TJP1: variants seen among roughly 807,000 people sequenced by gnomAD.
TJP1 encodes tight junction protein ZO-1.
A neutral mutation model predicts 194.2 loss-of-function variants in TJP1; 43 were observed. That is an observed-to-expected ratio of 0.22 (90% CI 0.17 to 0.29). The LOEUF is 0.29. Among genes scored for constraint, TJP1 ranks in the 10% least tolerant of loss-of-function variants. The pLI, the probability that TJP1 is intolerant of heterozygous loss-of-function variation, is 1.00. For synonymous variants in TJP1, 801 were observed against 779.0 expected (o/e 1.03, Z -0.47); for missense variants, 1,971 against 2,185.7 (o/e 0.90, Z 1.96).
intron 24 of TJP1, 85 bp downstream of exon 24, chr15:29,710,746 T>C: frequency 6.5e-7 from 1 of 1,543,520 alleles, no homozygotes; most frequent in South Asian, 1.1e-5. Context: ...TATTTTTTAA[T>C]GTAAAAACCA....
intron 19 of TJP1, 26 bp from the exon 20 acceptor site, chr15:29,720,042 A>G: frequency 6.4e-7 from 1 of 1,567,434 alleles, no homozygotes. Context: ...AATATTTTAA[A>G]TATAGTGTTT....
Position 29,742,631 on chromosome 15 carries a change from G to A in TJP1, c.1150+11C>T, listed in dbSNP as rs754915416. The A allele has an allele frequency of 7.8e-5, 122 of 1,555,890 alleles. No individual in the cohort carries two copies. Among genetic ancestry groups the A allele is most frequent in the Middle Eastern group, 1.7e-4 (1 of 5,868 alleles). ...AAATGTTTCTTGAACTTAGTGTTTCGTTATGCTTACCTGGAAGAGAAGGTG... is the reference window on the plus strand; with the variant it reads ...AAATGTTTCTTGAACTTAGTGTTTCATTATGCTTACCTGGAAGAGAAGGTG... On this transcript the variant is annotated intron_variant, in intron 9 of 27. Coordinates refer to ENST00000614355, the MANE Select transcript of TJP1 (RefSeq NM_001330239.4).
At chr15:29,815,739 G>C (rs75053443) in intron 1 of TJP1, among the ~76,000 whole-genome samples, 6,690 of 152,246 alleles carry the variant, frequency 0.044, 167 homozygotes, top group South Asian at 0.076. Context: ...TATTTTTAAA[G>C]ACATTTTCCT....
chr15:29,866,927 G>A (rs1261769234), intron 2 of TJP1, among the ~76,000 whole-genome samples: 2 of 152,122 alleles, frequency 1.3e-5, no homozygotes, highest in Non-Finnish European at 2.9e-5. Context: ...AAGAGCCACC[G>A]TCACCCTGAG....
chr15:29,922,921 A>G (rs771177305), intron 2 of TJP1, among the ~76,000 whole-genome samples: 9 of 152,094 alleles, frequency 5.9e-5, no homozygotes, highest in Non-Finnish European at 1.3e-4. Flanking sequence ...AACCTTATAA[A>G]TTCTAAAAGA....
rs1031821203 is a variant in TJP1 at position 29,773,477 on chromosome 15, T to C, written c.85-120A>G. On this transcript the variant is annotated intron_variant, in intron 2 of 27. Transcript: ENST00000614355. ...ACAATCTTAATATATCTGTGATCCA[T>C]AAACACTCACCTGCATGGTTACCTA... The C allele has an allele frequency of 2.0e-5, 19 of 945,344 alleles. No individual in the cohort carries two copies. In the African/African-American group the frequency reaches 2.7e-4, roughly 13 times the overall value. The allele number at this position is 945,344 out of a possible 1,614,324, so 58.6% of individuals were successfully genotyped here. A position where few individuals can be genotyped will look rare whatever the true frequency, so the allele number is the denominator to read the frequency against.
intron 2 of TJP1, among the ~76,000 whole-genome samples, chr15:29,928,195 T>C (rs1184827901): frequency 6.6e-6 from 1 of 151,778 alleles, no homozygotes; most frequent in African/African-American, 2.4e-5. Flanking sequence ...AAGAACTATG[T>C]TTACTATATT....
In TJP1 at chr15:29,830,395, C is replaced by T. The variant is rs141314872; in HGVS notation, c.307-29693G>A. ...ATGTAATATATATTAGTACATTTTA[C>T]GTCTATTAGCAATTAACACACATCA... On this transcript the variant is annotated intron_variant, in intron 2 of 28. Coordinates refer to the TJP1 transcript ENST00000356107. 2.1e-4 allele frequency among the ~76,000 whole-genome samples: 31 copies of T among 149,800 alleles called. No individual in the cohort carries two copies. The East Asian group carries it at 2.5e-3, about 12-fold the overall frequency.
intron 2 of TJP1, among the ~76,000 whole-genome samples, chr15:29,856,687 G>A (rs945235336): frequency 6.6e-6 from 1 of 152,018 alleles, no homozygotes; most frequent in African/African-American, 2.4e-5. Context: ...AAAATATGTG[G>A]GTGCGGCCAG....
At chr15:29,931,899 T>C (rs1200922875) in intron 2 of TJP1, among the ~76,000 whole-genome samples, 3 of 152,238 alleles carry the variant, frequency 2.0e-5, no homozygotes, top group Non-Finnish European at 4.4e-5. Flanking sequence ...GGATTATTCA[T>C]GCCTACCCTT....
At chr15:29,779,714 C>G (rs2047233948) in intron 2 of TJP1, among the ~76,000 whole-genome samples, 1 of 151,972 alleles carries the variant, frequency 6.6e-6, no homozygotes, top group Non-Finnish European at 1.5e-5. Context: ...CTAATTAGAG[C>G]ACTAAAAACA....
At chr15:29,849,455 A>T (rs74375658) in intron 2 of TJP1, among the ~76,000 whole-genome samples, 2 of 151,730 alleles carry the variant, frequency 1.3e-5, no homozygotes, top group Admixed American at 1.3e-4. Flanking sequence ...AAAAAAAAAA[A>T]AGACCAGGCA....
rs371059689 is a variant in TJP1 at position 29,734,241 on chromosome 15, G to C, written c.1516+33C>G. On this transcript the variant is annotated intron_variant, in intron 12 of 27. Transcript: ENST00000614355. ...CTTTGTAAGTCCTCAAACTCTACAGGTTTATCTCCTCCATTTTCTGACAGC... is the reference window on the plus strand; with the variant it reads ...CTTTGTAAGTCCTCAAACTCTACAGCTTTATCTCCTCCATTTTCTGACAGC... 8.8e-6 allele frequency: 13 copies of C among 1,472,572 alleles called. No individual in the cohort carries two copies. The African/African-American group carries it at 1.4e-4, about 16-fold the overall frequency. The allele number at this position is 1,472,572 out of a possible 1,614,324, so 91.2% of individuals were successfully genotyped here.
chr15:29,700,721 C>CAAAAAAAAAAAAAAAAAA lies in TJP1; in HGVS notation c.*873_*874insTTTTTTTTTTTTTTTTTT, dbSNP rs11464931. The CAAAAAAAAAAAAAAAAAA allele has an allele frequency of 2.8e-5, 4 of 140,784 alleles. No homozygotes were observed. Among genetic ancestry groups the CAAAAAAAAAAAAAAAAAA allele is most frequent in the East Asian group, 1.6e-4 (1 of 6,100 alleles). The allele number at this position is 140,784 out of a possible 1,614,324, so 8.7% of individuals were successfully genotyped here. Reference sequence around the variant, plus strand: ...ACAGAAAACCACCACTGCCCCTTGTCAAAAAAAAAAAAAAAGAAAAGAAAA... The same window carrying CAAAAAAAAAAAAAAAAAA: ...ACAGAAAACCACCACTGCCCCTTGTCAAAAAAAAAAAAAAAAAAAAAAAAAAAAAAAAAGAAAAGAAAA... On this transcript the variant is annotated 3_prime_UTR_variant, in exon 28 of 28. Transcript: ENST00000614355.
At chr15:29,825,586 T>C (rs1198210215), upstream of TJP1, among the ~76,000 whole-genome samples, 1 of 152,184 alleles carries the variant, frequency 6.6e-6, no homozygotes, top group Non-Finnish European at 1.5e-5. Context: ...CACACCTAAT[T>C]TGTATATATG....
In TJP1 at chr15:29,741,447, A is replaced by G; in HGVS notation, c.1151-11T>C. 6.3e-7 allele frequency: 1 copy of G among 1,592,120 alleles called. No homozygotes were observed. The highest frequency in any genetic ancestry group is 8.6e-7 in the Non-Finnish European group (1 of 1,164,112). ...ACACAGGCTTTGGTTCTAAGAAAAA[A>G]AAAATTGAGTAGGACTCACTTTAGA... On this transcript the variant is annotated splice_polypyrimidine_tract_variant and intron_variant, in intron 9 of 27. Transcript: ENST00000614355.
Position 29,708,558 on chromosome 15 carries a change from C to A in TJP1, c.4850+1G>T. On this transcript the variant is annotated splice_donor_variant, in intron 25 of 27. Coordinates refer to ENST00000614355, the MANE Select transcript of TJP1 (RefSeq NM_001330239.4). LOFTEE classifies it high-confidence loss of function. ...GCTTTGAGCAAAGGCATAAGTCTTA[C>A]CTCACAGGAATAGCTTTAGGCACTG... 1 of 1,600,642 alleles carries A rather than the reference C, an allele frequency of 6.2e-7. No homozygotes were observed.
At position 29,700,307 on chromosome 15, in the gene TJP1, A is replaced by C. The variant is rs2041462210; in HGVS notation, c.*1288T>G. On this transcript the variant is annotated 3_prime_UTR_variant, in exon 28 of 28. Transcript: ENST00000614355. ...TGCCATAATAAATTGTCTATTAGTA[A>C]AAAAATACACTTTAGGGCACAGCAT... 2.5e-6 allele frequency: 1 copy of C among 398,844 alleles called. No homozygotes were observed. The highest frequency in any genetic ancestry group is 1.3e-4 in the South Asian group (1 of 7,858). 24.7% of individuals were successfully genotyped at this position (398,844 alleles called of 1,614,324 possible). A position where few individuals can be genotyped will look rare whatever the true frequency, so the allele number is the denominator to read the frequency against.
At chr15:29,883,402 A>T (rs755282389) in intron 2 of TJP1, among the ~76,000 whole-genome samples, 17 of 152,186 alleles carry the variant, frequency 1.1e-4, no homozygotes, top group Non-Finnish European at 2.2e-4. Context: ...TGCATTGTTT[A>T]TGCTTGCTCA....
Sources: allele counts gnomAD v4.1 joint callset (sites outside exome capture counted in the v4.1 genomes callset), GRCh38; gene constraint gnomAD v4.1.1; transcripts MANE v1.5; gene names NCBI Gene and HGNC (gene_info 2026-07-23, HGNC 2026-07-21).